The following GSAP variants were observed in gnomAD, a reference collection of about 807,000 sequenced individuals.
The protein encoded by GSAP is gamma-secretase activating protein, also known as gamma-secretase-activating protein.
GSAP carries 118 observed loss-of-function variants against 131.7 expected under a neutral mutation model. That is an observed-to-expected ratio of 0.90 (90% CI 0.77 to 1.04). The LOEUF (loss-of-function observed/expected upper bound fraction) is 1.04. Ranked by LOEUF, GSAP falls within the 50% of genes least tolerant of loss-of-function variation. The pLI, the probability that GSAP is intolerant of heterozygous loss-of-function variation, is 0.00. For synonymous variants in GSAP, 381 were observed against 363.4 expected, an observed-to-expected ratio of 1.05 and a Z score of -0.55; for missense variants, 1,019 against 1,013.2, an observed-to-expected ratio of 1.01 and a Z score of -0.08.
At chr7:77,368,764 G>A (rs571774532) in intron 12 of GSAP, among the ~76,000 whole-genome samples, 2 of 152,304 alleles carry the variant, frequency 1.3e-5, no homozygotes, top group South Asian at 4.1e-4. Context: ...TAGGGTTCTT[G>A]TGAGATAATT....
rs1001151415 is a variant in GSAP, at chr7:77,387,952, C to T, written c.368-504G>A. Among the ~76,000 whole-genome samples the T allele has an allele frequency of 2.6e-5, 4 of 152,288 alleles. No individual in the cohort carries two copies. In the South Asian group the frequency reaches 6.2e-4, roughly 24 times the overall value. ...ACCAGCAACATATAAGAGGGCCTAA[C>T]GGGTTTCTAATGGATATCATTTTTC... On this transcript the variant is annotated intron_variant, in intron 5 of 30. Coordinates refer to ENST00000257626, the MANE Select transcript of GSAP (RefSeq NM_017439.4).
chr7:77,405,730 G>A (rs1408721330), intron 2 of GSAP, among the ~76,000 whole-genome samples: 2 of 152,096 alleles, frequency 1.3e-5, no homozygotes, highest in African/African-American at 2.4e-5. Flanking sequence ...GTACAAACGG[G>A]GTTTTGCCAT....
At chr7:77,346,275 A>C (rs1449097240) in intron 19 of GSAP, among the ~76,000 whole-genome samples, 3 of 150,342 alleles carry the variant, frequency 2.0e-5, no homozygotes, top group Non-Finnish European at 4.4e-5. Context: ...CATCTCAAAA[A>C]AAAAAAAAAA....
chr7:77,365,304 G>A lies in GSAP; in HGVS notation c.872-2644C>T, dbSNP rs77312530. On this transcript the variant is annotated intron_variant, in intron 12 of 30. Transcript: ENST00000257626. ...ATATAGGTAAACTCATATCACAGGG[G>A]TTTATTTTTACAGATAATTTCATCA... Among the ~76,000 whole-genome samples the A allele has an allele frequency of 3.8e-3, 583 of 152,050 alleles. 3 individuals are homozygous for A. Among genetic ancestry groups the A allele is most frequent in the African/African-American group, 0.013 (557 of 41,444 alleles).
At chr7:77,382,859 C>A (rs1363288270) in intron 6 of GSAP, among the ~76,000 whole-genome samples, 1 of 152,106 alleles carries the variant, frequency 6.6e-6, no homozygotes, top group Non-Finnish European at 1.5e-5. Flanking sequence ...GGGAATTGAT[C>A]TCAAATACAA....
At chr7:77,398,159 G>A (rs762774241) in intron 3 of GSAP, among the ~76,000 whole-genome samples, 7 of 152,176 alleles carry the variant, frequency 4.6e-5, no homozygotes, top group Non-Finnish European at 8.8e-5. Context: ...ATAAGGGAAA[G>A]AGACAGTCTT....
chr7:77,311,860 A>G lies in GSAP; in HGVS notation c.2454T>C (p.Asp818=), dbSNP rs957926968. Residue 818 remains aspartate (D), a synonymous_variant, in exon 30 of 31, where the codon GAT becomes GAC. Coordinates refer to ENST00000257626, the MANE Select transcript of GSAP (RefSeq NM_017439.4). ...AATTACCTTGATTGGAGGACTCTAT[A>G]TCTGTCAGAATTTCAATGAAGTAGT... ...PLNYFIEILT[D]IESSNQALYP... is the part of the protein sequence containing the mutation. 2 of 1,548,274 alleles carry G rather than the reference A, an allele frequency of 1.3e-6. No homozygotes were observed. The highest frequency in any genetic ancestry group is 1.1e-5 in the South Asian group (1 of 89,732).
chr7:77,365,042 C>A (rs563732514), intron 12 of GSAP, among the ~76,000 whole-genome samples: 148 of 152,274 alleles, frequency 9.7e-4, no homozygotes, highest in Admixed American at 2.9e-3. Context: ...CTCACTGTAG[C>A]CTTAACCTCC....
At chr7:77,403,111 A>G (rs1801658935) in intron 3 of GSAP, among the ~76,000 whole-genome samples, 2 of 152,346 alleles carry the variant, frequency 1.3e-5, no homozygotes, top group East Asian at 3.9e-4. Context: ...CTGGATTGAC[A>G]GAAGACAGAC....
At position 77,394,709 on chromosome 7, in the gene GSAP, C is replaced by G. The variant is rs144624592; in HGVS notation, c.367+2273G>C. On this transcript the variant is annotated intron_variant, in intron 5 of 30. Coordinates refer to ENST00000257626, the MANE Select transcript of GSAP (RefSeq NM_017439.4). ...TGCTTGGAGTACACCTCACAATTAC[C>G]CACTTTAGAGATGGAAAGGAAGACC... is the stretch of plus-strand genomic sequence containing the variant. Among the ~76,000 whole-genome samples, 777 of 152,276 alleles carry G rather than the reference C, an allele frequency of 5.1e-3. 7 individuals are homozygous for G. The highest frequency in any genetic ancestry group is 0.017 in the African/African-American group (717 of 41,544).
intron 18 of GSAP, chr7:77,351,061 A>G (rs1792795394): frequency 1.1e-6 from 1 of 894,480 alleles, no homozygotes. Flanking sequence ...TATAATTTAA[A>G]TGACCGAGAT....
At chr7:77,325,956 T>C (rs550772397) in intron 23 of GSAP, among the ~76,000 whole-genome samples, 1 of 152,276 alleles carries the variant, frequency 6.6e-6, no homozygotes, top group Admixed American at 6.5e-5. Context: ...CACTATACAC[T>C]CCTTTTATCA....
intron 18 of GSAP, among the ~76,000 whole-genome samples, chr7:77,352,647 C>G (rs1003844647): frequency 1.3e-5 from 2 of 152,190 alleles, no homozygotes; most frequent in Non-Finnish European, 2.9e-5. Flanking sequence ...TTAATCCACT[C>G]TAGTCACTTA....
At position 77,313,526 on chromosome 7, in the gene GSAP, C is replaced by G; in HGVS notation, c.2233G>C (p.Glu745Gln). 6.4e-7 allele frequency: 1 copy of G among 1,556,142 alleles called. No homozygotes were observed. The highest frequency in any genetic ancestry group is 1.1e-5 in the South Asian group (1 of 89,272). The change falls in exon 28 of 31, where the codon GAA becomes CAA. Residue 745 changes from glutamate to glutamine, a missense_variant. Physicochemically the swap from Glu to Gln is conservative, Grantham distance 29. Coordinates refer to ENST00000257626, the MANE Select transcript of GSAP (RefSeq NM_017439.4). ...MKDLDNTEKN[E>Q]KLKFSIIVRL... is the part of the protein sequence containing the mutation. ...ACAATGATACTGAATTTCAGTTTTT[C>G]ATTTTTCTCTGTATTATCCAGATCT...
intron 19 of GSAP, among the ~76,000 whole-genome samples, chr7:77,333,080 A>T (rs6969009): frequency 0.19 from 29,422 of 151,926 alleles, 3,060 homozygotes; most frequent in Non-Finnish European, 0.2. Flanking sequence ...GGCAGGAGAA[A>T]CACTTGAACC....
At chr7:77,332,652 C>T (rs1789335176) in intron 19 of GSAP, among the ~76,000 whole-genome samples, 1 of 152,072 alleles carries the variant, frequency 6.6e-6, no homozygotes, top group African/African-American at 2.4e-5. Flanking sequence ...GGAAAAAGAT[C>T]TGAATTTAAA....
intron 12 of GSAP, among the ~76,000 whole-genome samples, chr7:77,367,579 T>C (rs1335262931): frequency 6.6e-6 from 1 of 152,226 alleles, no homozygotes; most frequent in Non-Finnish European, 1.5e-5. Flanking sequence ...GATTAGCTTT[T>C]TGACATGTTA....
rs369587759 is a variant in GSAP, at chr7:77,313,547, G to C, written c.2212C>G (p.Leu738Val). Residue 738 changes from leucine to valine, a missense_variant and splice_region_variant, in exon 28 of 31, where the codon CTG becomes GTG. Physicochemically the swap from Leu to Val is conservative, Grantham distance 32. Coordinates refer to ENST00000257626, the MANE Select transcript of GSAP (RefSeq NM_017439.4). The part of the protein sequence containing the change: ...ETAVIRLMKD[L>V]DNTEKNEKLK... ...TTTTCATTTTTCTCTGTATTATCCAGATCTACAAGAAAGTTAGAGATTAGC... is the reference window on the plus strand; with the variant it reads ...TTTTCATTTTTCTCTGTATTATCCACATCTACAAGAAAGTTAGAGATTAGC... The C allele has an allele frequency of 1.2e-5, 18 of 1,486,988 alleles. No individual in the cohort carries two copies. The African/African-American group carries it at 1.9e-4, about 16-fold the overall frequency. 92.1% of individuals were successfully genotyped at this position (1,486,988 alleles called of 1,614,324 possible).
At chr7:77,388,652 T>G (rs914100882) in intron 5 of GSAP, among the ~76,000 whole-genome samples, 2 of 152,242 alleles carry the variant, frequency 1.3e-5, no homozygotes, top group Non-Finnish European at 2.9e-5. Context: ...CTCAGTGACT[T>G]CACTGTGAAA....
Sources: allele counts gnomAD v4.1 joint callset (sites outside exome capture counted in the v4.1 genomes callset), GRCh38; gene constraint gnomAD v4.1.1; transcripts MANE v1.5; gene names NCBI Gene and HGNC (gene_info 2026-07-23, HGNC 2026-07-21).